GPR161: variants seen among roughly 807,000 people sequenced by gnomAD.
GPR161 encodes the protein G protein-coupled receptor 161, also known as G-protein coupled receptor RE2.
In GPR161, 25 loss-of-function variants were observed where a neutral mutation model predicts 39.2. That is an observed-to-expected ratio of 0.64 (90% confidence interval 0.47 to 0.89). The LOEUF is 0.89. Ranked by LOEUF, GPR161 falls within the 40% of genes least tolerant of loss-of-function variation. The pLI, the probability that GPR161 is intolerant of heterozygous loss-of-function variation, is 0.00. For synonymous variants in GPR161, 286 were observed against 276.6 expected (o/e 1.03, Z -0.34); for missense variants, 547 against 677.8 (o/e 0.81, Z 2.14).
rs112973198 is a variant in GPR161, at chr1:168,085,267, G to GT, written c.*263dup. ...AGCCACATCTCTAGATTTTTTTTTG[G>GT]TTTTTTTTTTGCTTTAGATGCTTCT... is the stretch of plus-strand genomic sequence containing the variant. On this transcript the variant is annotated 3_prime_UTR_variant, in exon 6 of 6. Coordinates refer to ENST00000682931, the MANE Select transcript of GPR161 (RefSeq NM_001375883.1). 0.052 allele frequency: 23,546 copies of GT among 453,838 alleles called. 1,632 individuals carry two copies. The highest frequency in any genetic ancestry group is 0.27 in the African/African-American group (13,667 of 49,702). The allele number at this position is 453,838 out of a possible 1,614,324, so 28.1% of individuals were successfully genotyped here. A position where few individuals can be genotyped will look rare whatever the true frequency, so the allele number is the denominator to read the frequency against.
At chr1:168,136,658 C>T in intron 1 of GPR161, 81 bp downstream of exon 1, 5 of 1,195,148 alleles carry the variant, frequency 4.2e-6, no homozygotes, top group Non-Finnish European at 5.2e-6. Context: ...CCCTCAGCCT[C>T]GCACAATGAG....
chr1:168,134,748 C>T (rs918780976), intron 1 of GPR161, among the ~76,000 whole-genome samples: 5 of 152,196 alleles, frequency 3.3e-5, no homozygotes, highest in Non-Finnish European at 4.4e-5. Flanking sequence ...ATCAGGCAAC[C>T]ATGTGCTGGA....
intron 1 of GPR161, 74 bp from the exon 2 acceptor site, chr1:168,104,968 AG>A: frequency 8.4e-7 from 1 of 1,188,772 alleles, no homozygotes; most frequent in South Asian, 1.4e-5. Context: ...TAGGGAAGAA[AG>A]GCTTAAAGGG....
intron 1 of GPR161, among the ~76,000 whole-genome samples, chr1:168,126,165 G>T (rs1263235851): frequency 6.6e-6 from 1 of 152,170 alleles, no homozygotes; most frequent in Non-Finnish European, 1.5e-5. Flanking sequence ...TTCTGTAACT[G>T]AGCATTTTCT....
In GPR161 at chr1:168,083,523, A is replaced by G. The variant is rs1694219149; in HGVS notation, c.*2008T>C. 1 of 152,232 alleles carries G rather than the reference A, an allele frequency of 6.6e-6. No individual in the cohort carries two copies. Among genetic ancestry groups the G allele is most frequent in the Admixed American group, 6.5e-5 (1 of 15,284 alleles). The allele number at this position is 152,232 out of a possible 1,614,324, so 9.4% of individuals were successfully genotyped here. ...GTTCCACCTCTGTGCACACTAGTTG[A>G]TCAGGAATATGGTCCCTTCAGAAAG... On this transcript the variant is annotated 3_prime_UTR_variant, in exon 6 of 6. Coordinates refer to ENST00000682931, the MANE Select transcript of GPR161 (RefSeq NM_001375883.1).
chr1:168,120,918 A>G (rs576448406), intron 1 of GPR161, among the ~76,000 whole-genome samples: 5 of 152,306 alleles, frequency 3.3e-5, no homozygotes, highest in Non-Finnish European at 7.4e-5. Context: ...ACCCAGTCTC[A>G]GGTATTTCTT....
chr1:168,087,660 G>C lies in GPR161; in HGVS notation c.1249C>G (p.Pro417Ala). Residue 417 changes from proline to alanine, a missense_variant, in exon 5 of 6, where the codon CCT becomes GCT. By Grantham distance (27) the Pro-to-Ala change is conservative. Transcript: ENST00000682931. Reference sequence around the variant, plus strand: ...GGTGGGCAAGTGCAGTGAGAGGGAGGGTTGTCATCAGACGTGTAGTCCTCA... The same window carrying C: ...GGTGGGCAAGTGCAGTGAGAGGGAGCGTTGTCATCAGACGTGTAGTCCTCA... The part of the protein sequence containing the change: ...LLEDYTSDDN[P>A]PSHCTCPPKR... 1 of 1,613,794 alleles carries C rather than the reference G, an allele frequency of 6.2e-7. No homozygotes were observed. Among genetic ancestry groups the C allele is most frequent in the Non-Finnish European group, 8.5e-7 (1 of 1,179,764 alleles).
At chr1:168,097,266 AGTCAGCGGAGAGAGAAAACC>A in intron 2 of GPR161, 34 bp from the exon 3 acceptor site, 1 of 1,575,132 alleles carries the variant, frequency 6.3e-7, no homozygotes, top group Non-Finnish European at 8.6e-7. Flanking sequence ...AAGAGAGAGA[AGTCAGCGGAGAGAGAAAACC>A]GCTGCCTTCC....
rs556422033 is a variant in GPR161, at chr1:168,081,586, C to G, written c.*3945G>C. ...AATCCTGTGTGTCTCCACATTGAAA[C>G]AGATGACTAAACTTCCCTTCACAGA... is the stretch of plus-strand genomic sequence containing the variant. On this transcript the variant is annotated 3_prime_UTR_variant, in exon 6 of 6. Transcript: ENST00000682931. 1.3e-5 allele frequency: 2 copies of G among 152,360 alleles called. No individual in the cohort carries two copies. The highest frequency in any genetic ancestry group is 2.4e-5 in the African/African-American group (1 of 41,576). The allele number at this position is 152,360 out of a possible 1,614,324, so 9.4% of individuals were successfully genotyped here. A position where few individuals can be genotyped will look rare whatever the true frequency, so the allele number is the denominator to read the frequency against.
At chr1:168,090,928 G>A (rs1226662638) in intron 3 of GPR161, among the ~76,000 whole-genome samples, 2 of 152,254 alleles carry the variant, frequency 1.3e-5, no homozygotes, top group Non-Finnish European at 2.9e-5. Flanking sequence ...GGTGATGACA[G>A]AGGGCCAGGG....
chr1:168,109,874 G>A (rs554871873), intron 1 of GPR161, among the ~76,000 whole-genome samples: 3 of 152,136 alleles, frequency 2.0e-5, no homozygotes, highest in South Asian at 2.1e-4. Context: ...GGCCGAGGCG[G>A]AGAATTGCTT....
At chr1:168,110,368 T>C (rs758017279) in intron 1 of GPR161, among the ~76,000 whole-genome samples, 6 of 151,494 alleles carry the variant, frequency 4.0e-5, no homozygotes, top group African/African-American at 7.3e-5. Context: ...TGGTGGTGTG[T>C]GCCTGTAGTC....
intron 1 of GPR161, 60 bp from the exon 2 acceptor site, chr1:168,104,954 A>G (rs1305446385): frequency 1.3e-5 from 17 of 1,356,154 alleles, no homozygotes; most frequent in Non-Finnish European, 1.6e-5. Flanking sequence ...CATCGTCTCC[A>G]CCTTAGGGAA....
At chr1:168,119,257 C>CAT (rs1265638486) in intron 1 of GPR161, among the ~76,000 whole-genome samples, 3 of 97,940 alleles carry the variant, frequency 3.1e-5, no homozygotes, top group African/African-American at 1.7e-4. Context: ...TATATATATA[C>CAT]GTATATATAT....
intron 1 of GPR161, among the ~76,000 whole-genome samples, chr1:168,131,224 A>C (rs1572392638): frequency 2.8e-5 from 4 of 142,882 alleles, no homozygotes; most frequent in South Asian, 2.3e-4. Flanking sequence ...CCCCACCCTT[A>C]CCCCCCACAC....
chr1:168,099,837 G>GGA (rs1491225953), intron 2 of GPR161, among the ~76,000 whole-genome samples: 4 of 78,286 alleles, frequency 5.1e-5, no homozygotes, highest in African/African-American at 9.5e-5. Context: ...TTTTTTTTTT[G>GGA]GGGGGGGGGG....
Position 168,097,061 on chromosome 1 carries a change from C to T in GPR161, c.546G>A (p.Trp182Ter), listed in dbSNP as rs1007187438. The stretch of plus-strand genomic sequence containing the variant: ...AGGCCGTGTAGCCAGGCTCCCGGTG[C>T]CAAGCAGCCACACACATCCATTTGA... ...DEFKWMCVAAWHREPGYTAFW... is the reference protein window; with the variant it reads ...DEFKWMCVAA Residue 182 changes from tryptophan (W) to a stop codon, truncating the protein, a stop_gained, in exon 3 of 6, where the codon TGG (tryptophan) becomes TGA (stop). Transcript: ENST00000682931. LOFTEE classifies it high-confidence loss of function. 1 of 1,614,086 alleles carries T rather than the reference C, an allele frequency of 6.2e-7. No individual in the cohort carries two copies. Among genetic ancestry groups the T allele is most frequent in the Admixed American group, 1.7e-5 (1 of 60,008 alleles).
Position 168,096,623 on chromosome 1 carries a change from G to A in GPR161, c.984C>T (p.Asn328=), listed in dbSNP as rs548231510. 25 of 1,614,212 alleles carry A rather than the reference G, an allele frequency of 1.5e-5. No homozygotes were observed. Among genetic ancestry groups the A allele is most frequent in the Non-Finnish European group, 2.1e-5 (25 of 1,180,036 alleles). Reference sequence around the variant, plus strand: ...CCAGTAGTTCTTTGCGAACTGTCTTGTTCCAGAGTCCATAGATCAGGGGGT... The same window carrying A: ...CCAGTAGTTCTTTGCGAACTGTCTTATTCCAGAGTCCATAGATCAGGGGGT... ...VCHPLIYGLW[N]KTVRKELLGM... Residue 328 remains asparagine (N), a synonymous_variant, in exon 3 of 6, where the codon AAC becomes AAT. Transcript: ENST00000682931.
intron 1 of GPR161, chr1:168,133,940 A>T: frequency 2.2e-6 from 2 of 924,642 alleles, no homozygotes; most frequent in Non-Finnish European, 2.6e-6. Flanking sequence ...ACAGACATTT[A>T]CAGTGGTTAT....
Sources: allele counts gnomAD v4.1 joint callset (sites outside exome capture counted in the v4.1 genomes callset), GRCh38; gene constraint gnomAD v4.1.1; transcripts MANE v1.5; gene names NCBI Gene and HGNC (gene_info 2026-07-23, HGNC 2026-07-21).